SLC39A11: variants seen among roughly 807,000 people sequenced by gnomAD.
SLC39A11 encodes the protein zinc transporter ZIP11.
SLC39A11 carries 33 observed loss-of-function variants against 36.1 expected under a neutral mutation model. The observed-to-expected ratio is 0.91, with a 90% CI of 0.69 to 1.22. SLC39A11 has a LOEUF of 1.22. SLC39A11 is among the 50% of genes most tolerant of loss of function. The pLI is 0.00. For synonymous variants in SLC39A11, 166 were observed against 170.3 expected, an observed-to-expected ratio of 0.97 and a Z score of 0.20; for missense variants, 432 against 430.3, an observed-to-expected ratio of 1.00 and a Z score of -0.03.
At chr17:72,751,840 G>A (rs534789641) in intron 6 of SLC39A11, among the ~76,000 whole-genome samples, 83 of 152,144 alleles carry the variant, frequency 5.5e-4, no homozygotes, top group Non-Finnish European at 8.7e-4. Flanking sequence ...GCTTCCCAGA[G>A]TGCTGGGATT....
chr17:72,720,054 G>A (rs552587387), intron 7 of SLC39A11, among the ~76,000 whole-genome samples: 5 of 152,186 alleles, frequency 3.3e-5, no homozygotes, highest in African/African-American at 4.8e-5. Flanking sequence ...GACCCTTGCC[G>A]TCGACACCCC....
At chr17:73,051,362 G>A (rs1230664918) in intron 3 of SLC39A11, among the ~76,000 whole-genome samples, 2 of 152,116 alleles carry the variant, frequency 1.3e-5, no homozygotes, top group African/African-American at 2.4e-5. Context: ...AAAAAGACCT[G>A]TGAAGGTCAC....
chr17:72,964,296 C>T (rs1325416250), intron 4 of SLC39A11, among the ~76,000 whole-genome samples: 1 of 152,210 alleles, frequency 6.6e-6, no homozygotes, highest in African/African-American at 2.4e-5. Context: ...AAACACAGGG[C>T]TAATGAAGCC....
At chr17:72,706,428 G>C (rs1567967604) in intron 7 of SLC39A11, among the ~76,000 whole-genome samples, 1 of 152,172 alleles carries the variant, frequency 6.6e-6, no homozygotes, top group Admixed American at 6.5e-5. Context: ...GAAACTCCCA[G>C]TGGAGCACAG....
intron 3 of SLC39A11, chr17:73,067,878 C>A: frequency 6.2e-7 from 1 of 1,607,078 alleles, no homozygotes; most frequent in Non-Finnish European, 8.5e-7. Context: ...CATCCCCATG[C>A]CTGAGACTTG....
At chr17:72,892,859 A>G (rs1295498476) in intron 5 of SLC39A11, among the ~76,000 whole-genome samples, 1 of 152,200 alleles carries the variant, frequency 6.6e-6, no homozygotes, top group Non-Finnish European at 1.5e-5. Context: ...TTGGATCCAA[A>G]AGACAAACTG....
chr17:72,734,579 A>T (rs778169209), intron 7 of SLC39A11, among the ~76,000 whole-genome samples: 2 of 152,208 alleles, frequency 1.3e-5, no homozygotes, highest in Non-Finnish European at 2.9e-5. Flanking sequence ...CTGAGAGAGA[A>T]TCTGTTTGGT....
chr17:72,892,990 C>T (rs2081835949), intron 5 of SLC39A11, among the ~76,000 whole-genome samples: 1 of 152,092 alleles, frequency 6.6e-6, no homozygotes, highest in South Asian at 2.1e-4. Context: ...ATGAGGTCTT[C>T]GTAATGATAG....
intron 6 of SLC39A11, among the ~76,000 whole-genome samples, chr17:72,813,458 CT>C (rs367565454): frequency 1.3e-3 from 193 of 152,346 alleles, no homozygotes; most frequent in African/African-American, 4.4e-3. Context: ...TTAGACTGTA[CT>C]TGATTAACCT....
At chr17:72,722,774 A>G (rs2073750338) in intron 7 of SLC39A11, among the ~76,000 whole-genome samples, 1 of 152,066 alleles carries the variant, frequency 6.6e-6, no homozygotes, top group African/African-American at 2.4e-5. Flanking sequence ...AGCTGGGATT[A>G]CAGGTGCCTG....
At chr17:72,665,389 G>GTTTTTTTTTTTTGTT (rs2070690374) in intron 7 of SLC39A11, among the ~76,000 whole-genome samples, 1 of 76,636 alleles carries the variant, frequency 1.3e-5, no homozygotes, top group Non-Finnish European at 2.4e-5. Context: ...GTTTTGAGGT[G>GTTTTTTTTTTTTGTT]TTTTTTTTTT....
intron 7 of SLC39A11, among the ~76,000 whole-genome samples, chr17:72,661,588 A>G (rs1434641846): frequency 3.9e-5 from 6 of 152,108 alleles, no homozygotes; most frequent in Non-Finnish European, 8.8e-5. Flanking sequence ...CTGATTGTTC[A>G]GGCCTGGAGA....
At chr17:72,972,733 A>G (rs1237372790) in intron 4 of SLC39A11, among the ~76,000 whole-genome samples, 1 of 152,108 alleles carries the variant, frequency 6.6e-6, no homozygotes, top group African/African-American at 2.4e-5. Context: ...GCAACCAAAG[A>G]CAGCCCTCAC....
At chr17:72,929,822 G>A (rs2084273895) in intron 5 of SLC39A11, among the ~76,000 whole-genome samples, 1 of 152,170 alleles carries the variant, frequency 6.6e-6, no homozygotes, top group African/African-American at 2.4e-5. Flanking sequence ...TTGGTTCTAA[G>A]AAGACACTGT....
chr17:72,648,759 C>G, intron 9 of SLC39A11, 44 bp downstream of exon 9: 2 of 1,607,760 alleles, frequency 1.2e-6, no homozygotes, highest in South Asian at 2.2e-5. Flanking sequence ...GGGGTCCCAG[C>G]TGGGACTGGG....
chr17:72,942,165 G>C (rs2085153760), intron 5 of SLC39A11, among the ~76,000 whole-genome samples: 1 of 151,876 alleles, frequency 6.6e-6, no homozygotes, highest in African/African-American at 2.4e-5. Flanking sequence ...CAAAGTGCTG[G>C]GATTACACGT....
intron 6 of SLC39A11, among the ~76,000 whole-genome samples, chr17:72,811,934 A>C (rs1191140124): frequency 6.6e-6 from 1 of 152,238 alleles, no homozygotes; most frequent in African/African-American, 2.4e-5. Flanking sequence ...AAAAATAGTG[A>C]ATCTAAAGCA....
intron 5 of SLC39A11, among the ~76,000 whole-genome samples, chr17:72,926,142 A>G (rs1187077523): frequency 6.6e-6 from 1 of 152,278 alleles, no homozygotes; most frequent in Non-Finnish European, 1.5e-5. Context: ...TGCTTCTTCA[A>G]CTTTTGAGTA....
intron 4 of SLC39A11, among the ~76,000 whole-genome samples, chr17:72,977,735 C>T (rs1213473898): frequency 2.6e-5 from 4 of 152,204 alleles, no homozygotes; most frequent in African/African-American, 4.8e-5. Flanking sequence ...AACACCCCCA[C>T]ACAGCAACAA....
Sources: allele counts gnomAD v4.1 joint callset (sites outside exome capture counted in the v4.1 genomes callset), GRCh38; gene constraint gnomAD v4.1.1; transcripts MANE v1.5; gene names NCBI Gene and HGNC (gene_info 2026-07-23, HGNC 2026-07-21).